The following CNTNAP5 variants were observed in gnomAD, a reference collection of about 807,000 sequenced individuals.
CNTNAP5 encodes the protein contactin-associated protein-like 5.
CNTNAP5 carries 72 observed loss-of-function variants against 150.2 expected under a neutral mutation model. The observed-to-expected ratio is 0.48, with a 90% CI of 0.40 to 0.58. CNTNAP5 has a LOEUF of 0.58. CNTNAP5 is among the 20% of genes least tolerant of loss of function. CNTNAP5 has a pLI of 0.00. For synonymous variants in CNTNAP5, 672 were observed against 619.8 expected (o/e 1.08, Z -1.25); for missense variants, 1,636 against 1,626.2 (o/e 1.01, Z -0.10).
chr2:124,546,986 T>G (rs535614136), intron 10 of CNTNAP5, among the ~76,000 whole-genome samples: 1 of 152,300 alleles, frequency 6.6e-6, no homozygotes, highest in East Asian at 1.9e-4. Context: ...TAACTTTATT[T>G]TATATGTGTA....
chr2:124,036,785 C>T (rs1681233472), intron 1 of CNTNAP5, among the ~76,000 whole-genome samples: 1 of 152,134 alleles, frequency 6.6e-6, no homozygotes, highest in African/African-American at 2.4e-5. Context: ...TTCTTTTCCC[C>T]ATTCTAGGCT....
intron 13 of CNTNAP5, among the ~76,000 whole-genome samples, chr2:124,688,755 G>A (rs1278844047): frequency 6.6e-6 from 1 of 152,052 alleles, no homozygotes; most frequent in Non-Finnish European, 1.5e-5. Context: ...CCAAACTGAT[G>A]AAAAGTCATT....
At chr2:124,554,304 A>C (rs1695701715) in intron 10 of CNTNAP5, among the ~76,000 whole-genome samples, 1 of 152,150 alleles carries the variant, frequency 6.6e-6, no homozygotes, top group African/African-American at 2.4e-5. Context: ...TGTGACAAAC[A>C]CTTGTCAAAC....
chr2:124,908,446 TG>T (rs1678585912), intron 22 of CNTNAP5, among the ~76,000 whole-genome samples: 1 of 152,016 alleles, frequency 6.6e-6, no homozygotes, highest in African/African-American at 2.4e-5. Context: ...TAAACCATAA[TG>T]GATGATTCAG....
chr2:124,570,204 G>A (rs1317850842), intron 11 of CNTNAP5, among the ~76,000 whole-genome samples: 1 of 152,118 alleles, frequency 6.6e-6, no homozygotes, highest in African/African-American at 2.4e-5. Flanking sequence ...GAATTTATGA[G>A]GCATGTGCAC....
chr2:124,697,375 C>T (rs1679426419), intron 13 of CNTNAP5, among the ~76,000 whole-genome samples: 1 of 152,112 alleles, frequency 6.6e-6, no homozygotes, highest in Admixed American at 6.6e-5. Flanking sequence ...CCTTAGGCTC[C>T]TCTTGGCTCT....
At chr2:124,534,902 C>T (rs1204332012) in intron 10 of CNTNAP5, among the ~76,000 whole-genome samples, 1 of 152,058 alleles carries the variant, frequency 6.6e-6, no homozygotes, top group Non-Finnish European at 1.5e-5. Context: ...TGCCTAATCT[C>T]TTGGGAATGC....
chr2:124,516,856 G>T (rs973885062), intron 8 of CNTNAP5, among the ~76,000 whole-genome samples: 1 of 151,566 alleles, frequency 6.6e-6, no homozygotes, highest in Non-Finnish European at 1.5e-5. Flanking sequence ...AATTGGTGGG[G>T]TTAGAGAGAA....
chr2:124,915,845 A>T lies in CNTNAP5; in HGVS notation c.*1557A>T, dbSNP rs1477699240. Among the ~76,000 whole-genome samples the T allele has an allele frequency of 6.6e-6, 1 of 152,080 alleles. No individual in the cohort carries two copies. Among genetic ancestry groups the T allele is most frequent in the Non-Finnish European group, 1.5e-5 (1 of 67,974 alleles). ...GGCCATCTTGGAGAAAAAGGTAAGG[A>T]GAAGACAATGTAAATGCTCCAAGAT... On this transcript the variant is annotated 3_prime_UTR_variant, in exon 24 of 24. Transcript: ENST00000682447.
chr2:124,900,831 T>A (rs1280233233), intron 21 of CNTNAP5, among the ~76,000 whole-genome samples: 1 of 151,644 alleles, frequency 6.6e-6, no homozygotes, highest in Non-Finnish European at 1.5e-5. Context: ...GTCTTCTGCC[T>A]CTTCCTCTAA....
At chr2:124,704,240 T>C (rs908045694) in intron 13 of CNTNAP5, among the ~76,000 whole-genome samples, 2 of 152,200 alleles carry the variant, frequency 1.3e-5, no homozygotes, top group African/African-American at 4.8e-5. Context: ...CTTTTCTCTA[T>C]TGTTGCAAGC....
At chr2:124,576,650 G>T (rs184453165) in intron 11 of CNTNAP5, among the ~76,000 whole-genome samples, 1 of 152,154 alleles carries the variant, frequency 6.6e-6, no homozygotes, top group Non-Finnish European at 1.5e-5. Context: ...GTATGAAAAA[G>T]GAATTGTTTT....
intron 3 of CNTNAP5, among the ~76,000 whole-genome samples, chr2:124,260,586 C>T (rs909770574): frequency 3.3e-5 from 5 of 152,182 alleles, no homozygotes. Context: ...AGGCAACCTA[C>T]AGAAGGGGAG....
chr2:124,290,667 G>A lies in CNTNAP5; in HGVS notation c.381+48274G>A, dbSNP rs537769596. 3.5e-4 allele frequency among the ~76,000 whole-genome samples: 53 copies of A among 152,038 alleles called. 2 individuals are homozygous for A. Among genetic ancestry groups the A allele is most frequent in the Admixed American group, 7.2e-4 (11 of 15,260 alleles). ...CCTCTCTCTACTATAGTTTGTTTTC[G>A]TGTAAATTGGGAACTGTTCCATCTG... On this transcript the variant is annotated intron_variant, in intron 3 of 23. Transcript: ENST00000682447.
chr2:124,129,015 C>T (rs1683783575), intron 1 of CNTNAP5, among the ~76,000 whole-genome samples: 1 of 151,136 alleles, frequency 6.6e-6, no homozygotes, highest in African/African-American at 2.4e-5. Flanking sequence ...ACATATGTAA[C>T]AAACCTGCAC....
intron 13 of CNTNAP5, among the ~76,000 whole-genome samples, chr2:124,664,280 G>A (rs866353086): frequency 6.2e-5 from 9 of 145,420 alleles, no homozygotes; most frequent in South Asian, 4.4e-4. Context: ...CTATGATTGT[G>A]CCACTGCACT....
At chr2:124,413,967 A>G (rs972911136) in intron 3 of CNTNAP5, among the ~76,000 whole-genome samples, 2 of 151,972 alleles carry the variant, frequency 1.3e-5, no homozygotes, top group African/African-American at 4.8e-5. Context: ...GTATTGAGAG[A>G]TGGAGTGAGG....
At chr2:124,638,095 T>A (rs1054942367) in intron 12 of CNTNAP5, among the ~76,000 whole-genome samples, 12 of 151,868 alleles carry the variant, frequency 7.9e-5, no homozygotes, top group African/African-American at 2.7e-4. Flanking sequence ...TGTGTGTGTG[T>A]GTTTATGAGT....
intron 13 of CNTNAP5, among the ~76,000 whole-genome samples, chr2:124,693,938 T>C (rs2105082102): frequency 6.6e-6 from 1 of 151,826 alleles, no homozygotes; most frequent in Middle Eastern, 3.5e-3. Flanking sequence ...GCTTTGAATG[T>C]CCATTATCTG....
Sources: gnomAD v4.1 joint callset for allele counts (sites outside exome capture counted in the v4.1 genomes callset) on GRCh38, gnomAD v4.1.1 for gene constraint, MANE v1.5 for transcripts, NCBI Gene and HGNC (gene_info 2026-07-23, HGNC 2026-07-21) for gene names.